The following CFAP61 variants were observed in gnomAD, a reference collection of about 807,000 sequenced individuals.
The protein encoded by CFAP61 is cilia- and flagella-associated protein 61.
CFAP61 carries 107 observed loss-of-function variants against 135.6 expected under a neutral mutation model. The ratio of observed to expected loss-of-function variants is 0.79; its 90% CI spans 0.67 to 0.93. The LOEUF (loss-of-function observed/expected upper bound fraction) is 0.93. Among genes scored for constraint, CFAP61 ranks in the 40% least tolerant of loss-of-function variants. The probability of loss-of-function intolerance (pLI) is 0.00; values close to 1 mark genes in which losing one functional copy is unlikely to be tolerated. For synonymous variants in CFAP61, 575 were observed against 578.5 expected, an observed-to-expected ratio of 0.99 and a Z score of 0.09; for missense variants, 1,507 against 1,556.2, an observed-to-expected ratio of 0.97 and a Z score of 0.53.
intron 6 of CFAP61, among the ~76,000 whole-genome samples, chr20:20,076,934 A>T (rs535031188): frequency 6.6e-6 from 1 of 152,268 alleles, no homozygotes; most frequent in Non-Finnish European, 1.5e-5. Context: ...ACAGCACAAG[A>T]TTGTGATGAT....
At chr20:20,339,835 G>A (rs1412164433) in intron 25 of CFAP61, among the ~76,000 whole-genome samples, 1 of 152,134 alleles carries the variant, frequency 6.6e-6, no homozygotes, top group Non-Finnish European at 1.5e-5. Context: ...GTATCAAAAG[G>A]AAACCATCTT....
chr20:20,340,895 G>C (rs1249932023), intron 25 of CFAP61, among the ~76,000 whole-genome samples: 1 of 152,158 alleles, frequency 6.6e-6, no homozygotes, highest in African/African-American at 2.4e-5. Context: ...TGAGTGCCAG[G>C]CTGTCCCTAA....
intron 9 of CFAP61, among the ~76,000 whole-genome samples, chr20:20,153,540 A>G (rs568324704): frequency 6.6e-6 from 1 of 152,106 alleles, no homozygotes; most frequent in African/African-American, 2.4e-5. Flanking sequence ...TCTAATTGAT[A>G]TTACAACCAA....
At chr20:20,121,112 T>G (rs1358020232) in intron 8 of CFAP61, among the ~76,000 whole-genome samples, 1 of 146,038 alleles carries the variant, frequency 6.8e-6, no homozygotes, top group African/African-American at 2.5e-5. Flanking sequence ...ACTTTTTTTT[T>G]TTTTTTTTTT....
chr20:20,229,350 T>A (rs969405105), intron 18 of CFAP61, among the ~76,000 whole-genome samples: 1 of 152,196 alleles, frequency 6.6e-6, no homozygotes, highest in Admixed American at 6.5e-5. Context: ...TTTTAAAAAG[T>A]TTCATAGATG....
intron 11 of CFAP61, among the ~76,000 whole-genome samples, chr20:20,165,039 G>A (rs572661747): frequency 1.3e-5 from 2 of 152,270 alleles, no homozygotes; most frequent in South Asian, 4.1e-4. Context: ...CCCACAACAC[G>A]TGGGAATTAT....
At chr20:20,113,087 G>A (rs116775377) in intron 8 of CFAP61, among the ~76,000 whole-genome samples, 1,576 of 152,174 alleles carry the variant, frequency 0.01, 22 homozygotes, top group African/African-American at 0.035. Flanking sequence ...CCTCATATAG[G>A]ATCAGTTTCA....
chr20:20,335,412 T>C (rs999323943), intron 25 of CFAP61, among the ~76,000 whole-genome samples: 1 of 152,218 alleles, frequency 6.6e-6, no homozygotes, highest in African/African-American at 2.4e-5. Context: ...AAGTACATCA[T>C]ATCTAAAATA....
At chr20:20,161,570 A>G (rs2053407787) in intron 10 of CFAP61, among the ~76,000 whole-genome samples, 1 of 152,158 alleles carries the variant, frequency 6.6e-6, no homozygotes, top group African/African-American at 2.4e-5. Flanking sequence ...AAGTGTGTGA[A>G]TTCTGCACAA....
At chr20:20,088,876 A>G (rs1302682935) in intron 6 of CFAP61, among the ~76,000 whole-genome samples, 1 of 152,144 alleles carries the variant, frequency 6.6e-6, no homozygotes, top group Non-Finnish European at 1.5e-5. Context: ...AACCAGCATC[A>G]TTTCAACCGT....
At chr20:20,098,862 T>C (rs2047792530) in intron 8 of CFAP61, 48 bp downstream of exon 8, 1 of 1,529,400 alleles carries the variant, frequency 6.5e-7, no homozygotes, top group Non-Finnish European at 8.9e-7. Context: ...ATCTATGCTT[T>C]ATACACATTG....
rs528008016 is a variant in CFAP61, at chr20:20,197,220, A to G, written c.1797+444A>G. Among the ~76,000 whole-genome samples, 9 of 152,312 alleles carry G rather than the reference A, an allele frequency of 5.9e-5. No individual in the cohort carries two copies. In the South Asian group the frequency reaches 1.9e-3, roughly 32 times the overall value. Reference sequence around the variant, plus strand: ...TATCCCAGCATTCCAAATAAGCACTATACACACCCCTACTAGGTGATGGAG... The same window carrying G: ...TATCCCAGCATTCCAAATAAGCACTGTACACACCCCTACTAGGTGATGGAG... On this transcript the variant is annotated intron_variant, in intron 16 of 26. Coordinates refer to ENST00000245957, the MANE Select transcript of CFAP61 (RefSeq NM_015585.4).
intron 6 of CFAP61, among the ~76,000 whole-genome samples, chr20:20,086,228 CAT>C (rs2046789530): frequency 6.6e-6 from 1 of 150,440 alleles, no homozygotes; most frequent in Non-Finnish European, 1.5e-5. Context: ...AGGTTTGTTA[CAT>C]GTGTGTACAT....
chr20:20,240,381 G>A (rs2049930423), intron 18 of CFAP61, among the ~76,000 whole-genome samples: 1 of 152,066 alleles, frequency 6.6e-6, no homozygotes, highest in Non-Finnish European at 1.5e-5. Context: ...GAGGTTCTGT[G>A]GCAACAGCTC....
chr20:20,228,488 A>ATAGG, intron 18 of CFAP61, 112 bp downstream of exon 18: 6 of 854,288 alleles, frequency 7.0e-6, no homozygotes, highest in Non-Finnish European at 1.1e-5. Flanking sequence ...GGTACTCCAC[A>ATAGG]CACCCTGCCT....
At position 20,298,402 on chromosome 20, in the gene CFAP61, C is replaced by G; in HGVS notation, c.3422+16C>G. ...ATCTCTATAGGTGAGTTGGACATTGCATTTGACTACAGGGAAATACAAATA... is the reference window on the plus strand; with the variant it reads ...ATCTCTATAGGTGAGTTGGACATTGGATTTGACTACAGGGAAATACAAATA... On this transcript the variant is annotated intron_variant, in intron 25 of 26. Coordinates refer to ENST00000245957, the MANE Select transcript of CFAP61 (RefSeq NM_015585.4). The G allele has an allele frequency of 1.3e-6, 2 of 1,590,346 alleles. No individual in the cohort carries two copies. Among genetic ancestry groups the G allele is most frequent in the African/African-American group, 1.3e-5 (1 of 74,502 alleles).
Position 20,090,854 on chromosome 20 carries a change from C to G in CFAP61, c.577C>G (p.His193Asp), listed in dbSNP as rs866242316. 5 of 1,613,998 alleles carry G rather than the reference C, an allele frequency of 3.1e-6. No homozygotes were observed. Among genetic ancestry groups the G allele is most frequent in the Admixed American group, 3.3e-5 (2 of 60,010 alleles). Residue 193 changes from histidine to aspartate, a missense_variant, in exon 7 of 27, where the codon CAT (histidine) becomes GAT (aspartate). His to Asp is a moderately conservative substitution (Grantham distance 81). Coordinates refer to ENST00000245957, the MANE Select transcript of CFAP61 (RefSeq NM_015585.4). The stretch of plus-strand genomic sequence containing the variant: ...CTTTCTATTAAACAGGGTGGAAGAC[C>G]ATGACGATCTCATGCCAATATTTAT... ...LHVRKARVED[H>D]DDLMPIFMRY...
rs76537575 is a variant in CFAP61 at position 20,076,682 on chromosome 20, G to A, written c.566+1067G>A. Among the ~76,000 whole-genome samples the A allele has an allele frequency of 7.3e-3, 1,116 of 152,348 alleles. 20 individuals are homozygous for A. Among genetic ancestry groups the A allele is most frequent in the African/African-American group, 0.025 (1,053 of 41,582 alleles). On this transcript the variant is annotated intron_variant, in intron 6 of 26. Coordinates refer to ENST00000245957, the MANE Select transcript of CFAP61 (RefSeq NM_015585.4). The stretch of plus-strand genomic sequence containing the variant: ...TCAGCCATTGCTGTGTTTGAGGAAT[G>A]CTGACTTTCTTTAGAAAAGTATTTT...
chr20:20,333,870 G>A (rs192579360), intron 25 of CFAP61, among the ~76,000 whole-genome samples: 42 of 152,314 alleles, frequency 2.8e-4, no homozygotes, highest in Admixed American at 7.8e-4. Flanking sequence ...GAAAACTTGT[G>A]CTTGCAAGAG....
Sources: gnomAD v4.1 joint callset for allele counts (sites outside exome capture counted in the v4.1 genomes callset) on GRCh38, gnomAD v4.1.1 for gene constraint, MANE v1.5 for transcripts, NCBI Gene and HGNC (gene_info 2026-07-23, HGNC 2026-07-21) for gene names.